Variants in ATP10D observed in about 807,000 individuals in gnomAD.
ATP10D encodes the protein phospholipid-transporting ATPase VD.
Under a neutral mutation model 144.8 loss-of-function variants are expected in ATP10D, and 89 were observed. The observed-to-expected ratio is 0.61, with a 90% CI of 0.52 to 0.73. The LOEUF is 0.73. Ranked by LOEUF, ATP10D falls within the 30% of genes least tolerant of loss-of-function variation. The pLI, the probability that ATP10D is intolerant of heterozygous loss-of-function variation, is 0.00. For synonymous variants in ATP10D, 571 were observed against 615.1 expected, an observed-to-expected ratio of 0.93 and a Z score of 1.06; for missense variants, 1,603 against 1,714.8, an observed-to-expected ratio of 0.93 and a Z score of 1.15.
intron 15 of ATP10D, among the ~76,000 whole-genome samples, chr4:47,566,522 A>T (rs746788007): frequency 2.0e-5 from 3 of 152,218 alleles, no homozygotes; most frequent in Non-Finnish European, 2.9e-5. Context: ...AAGATAAATT[A>T]TCTGTTTTAT....
intron 1 of ATP10D, among the ~76,000 whole-genome samples, chr4:47,503,751 T>C (rs1324108847): frequency 1.3e-5 from 2 of 151,736 alleles, no homozygotes; most frequent in African/African-American, 2.4e-5. Context: ...AATAAAAAAT[T>C]AGCTAGATGT....
intron 5 of ATP10D, among the ~76,000 whole-genome samples, chr4:47,530,477 G>A (rs899642566): frequency 3.3e-5 from 5 of 151,758 alleles, no homozygotes; most frequent in Middle Eastern, 3.4e-3. Flanking sequence ...TTTGTTTTTC[G>A]AGACAGTCTC....
rs1714685290 is a variant in ATP10D at position 47,485,340 on chromosome 4, G to T, written c.-217G>T. 6.6e-6 allele frequency: 1 copy of T among 152,318 alleles called. No homozygotes were observed. The highest frequency in any genetic ancestry group is 2.1e-4 in the South Asian group (1 of 4,836). 9.4% of individuals were successfully genotyped at this position (152,318 alleles called of 1,614,324 possible). On this transcript the variant is annotated 5_prime_UTR_variant, in exon 1 of 23. Transcript: ENST00000273859. The stretch of plus-strand genomic sequence containing the variant: ...AGGTTGCGAGCTCAGCACAGGCTCC[G>T]GCGCTGGCTCCCGCAGCTGAGTTTG...
At position 47,543,835 on chromosome 4, in the gene ATP10D, G is replaced by GTA. The variant is rs1479521669; in HGVS notation, c.1397-2788_1397-2787dup. Reference sequence around the variant, plus strand: ...GGAAATAGGTATACATATATATTATGTACACACACACACACACATATATAT... The same window carrying GTA: ...GGAAATAGGTATACATATATATTATGTATACACACACACACACACATATATAT... On this transcript the variant is annotated intron_variant, in intron 9 of 22. Transcript: ENST00000273859. 5.0e-5 allele frequency among the ~76,000 whole-genome samples: 4 copies of GTA among 79,464 alleles called. No homozygotes were observed. In the Admixed American group the frequency reaches 6.5e-4, roughly 13 times the overall value. 52.1% of individuals were successfully genotyped at this position (79,464 alleles called of 152,430 possible).
Position 47,591,260 on chromosome 4 carries a change from C to T in ATP10D, c.4160C>T (p.Ser1387Leu). The change falls in exon 23 of 23, where the codon TCA (serine) becomes TTA (leucine). Residue 1387 changes from serine (S) to leucine (L), a missense_variant. Ser to Leu is a moderately radical substitution (Grantham distance 145, BLOSUM62 -2). Transcript: ENST00000273859. ...PGPSAVFAMK[S>L]ASSCAIEQGN... is the part of the protein sequence containing the mutation. ...CCTTCTGCTGTATTTGCAATGAAGT[C>T]AGCAAGTTCCTGTGCTATTGAGCAA... is the stretch of plus-strand genomic sequence containing the variant. 6.2e-7 allele frequency: 1 copy of T among 1,613,570 alleles called. No individual in the cohort carries two copies. The highest frequency in any genetic ancestry group is 8.5e-7 in the Non-Finnish European group (1 of 1,179,604).
At chr4:47,532,375 G>A (rs573776381) in intron 5 of ATP10D, among the ~76,000 whole-genome samples, 21 of 152,134 alleles carry the variant, frequency 1.4e-4, no homozygotes, top group South Asian at 4.2e-4. Flanking sequence ...TCTGATATCC[G>A]TTTGCTTTGA....
chr4:47,489,458 T>C (rs150701821), intron 1 of ATP10D, among the ~76,000 whole-genome samples: 1 of 152,270 alleles, frequency 6.6e-6, no homozygotes, highest in African/African-American at 2.4e-5. Context: ...TAATAGTATT[T>C]ATATTTGGGT....
intron 4 of ATP10D, among the ~76,000 whole-genome samples, chr4:47,523,461 A>G (rs1389418000): frequency 6.6e-6 from 1 of 152,230 alleles, no homozygotes; most frequent in Non-Finnish European, 1.5e-5. Context: ...ATGGAATTAA[A>G]GGAACCTAAC....
At chr4:47,547,389 T>G (rs1369447831) in intron 10 of ATP10D, 1 of 157,770 alleles carries the variant, frequency 6.3e-6, no homozygotes, top group Non-Finnish European at 1.4e-5. Context: ...AATGTGTTCA[T>G]GAGTTCCAGT....
intron 18 of ATP10D, among the ~76,000 whole-genome samples, chr4:47,575,995 G>A (rs952980034): frequency 2.2e-5 from 3 of 135,282 alleles, no homozygotes; most frequent in African/African-American, 5.6e-5. Flanking sequence ...GCAGTGGCGC[G>A]ATCTCGGCTC....
At chr4:47,525,960 T>C (rs1187587319) in intron 5 of ATP10D, among the ~76,000 whole-genome samples, 1 of 152,224 alleles carries the variant, frequency 6.6e-6, no homozygotes, top group Non-Finnish European at 1.5e-5. Flanking sequence ...CCAAGTTATC[T>C]ACCCACTTTG....
intron 1 of ATP10D, among the ~76,000 whole-genome samples, chr4:47,487,226 TCC>T (rs67968737): frequency 0.22 from 26,949 of 120,376 alleles, 4,387 homozygotes; most frequent in East Asian, 0.59. Context: ...CAAAACTCCG[TCC>T]CCCAAAAAAA....
At chr4:47,545,803 G>C (rs1444049658) in intron 9 of ATP10D, among the ~76,000 whole-genome samples, 1 of 152,156 alleles carries the variant, frequency 6.6e-6, no homozygotes, top group Non-Finnish European at 1.5e-5. Flanking sequence ...AGATATATAT[G>C]TGTAGATGGT....
chr4:47,545,177 T>C (rs897191316), intron 9 of ATP10D, among the ~76,000 whole-genome samples: 3 of 152,258 alleles, frequency 2.0e-5, no homozygotes, highest in Admixed American at 2.0e-4. Context: ...AAAGAAGCCC[T>C]CAGGCAAGGG....
At chr4:47,534,087 T>A (rs1187443892) in intron 5 of ATP10D, among the ~76,000 whole-genome samples, 1 of 152,190 alleles carries the variant, frequency 6.6e-6, no homozygotes, top group Admixed American at 6.6e-5. Flanking sequence ...TTGGTATGTC[T>A]CTACATTTCC....
intron 15 of ATP10D, among the ~76,000 whole-genome samples, chr4:47,564,424 G>A (rs1433606259): frequency 6.6e-6 from 1 of 151,882 alleles, no homozygotes; most frequent in African/African-American, 2.4e-5. Flanking sequence ...TCAAGTCCTG[G>A]TACAGGAATC....
chr4:47,512,483 T>C (rs930903619), intron 1 of ATP10D, 21 bp from the exon 2 acceptor site: 1 of 1,460,472 alleles, frequency 6.8e-7, no homozygotes, highest in South Asian at 1.3e-5. Context: ...CATGGAAGTG[T>C]GGTTTTTGTT....
At chr4:47,552,645 C>T (rs1278873951) in intron 10 of ATP10D, among the ~76,000 whole-genome samples, 4 of 152,112 alleles carry the variant, frequency 2.6e-5, no homozygotes, top group East Asian at 1.9e-4. Context: ...ACATTTAGAC[C>T]GTAGTAAATA....
intron 3 of ATP10D, among the ~76,000 whole-genome samples, chr4:47,517,391 G>A (rs1350076079): frequency 2.6e-5 from 4 of 152,148 alleles, no homozygotes; most frequent in Non-Finnish European, 1.5e-5. Context: ...ACTCCAATCC[G>A]GGCAAAAGAG....
Sources: gnomAD v4.1 joint callset for allele counts (sites outside exome capture counted in the v4.1 genomes callset) on GRCh38, gnomAD v4.1.1 for gene constraint, MANE v1.5 for transcripts, NCBI Gene and HGNC (gene_info 2026-07-23, HGNC 2026-07-21) for gene names.